NALF1: variants seen among roughly 807,000 people sequenced by gnomAD.
NALF1 encodes NALCN channel auxiliary factor 1, also known as family with sequence similarity 155 member A.
Under a neutral mutation model 48.4 loss-of-function variants are expected in NALF1, and 3 were observed. The observed-to-expected ratio is 0.06, with a 90% CI of 0.03 to 0.16. The LOEUF (loss-of-function observed/expected upper bound fraction) is 0.16, where lower values mean the gene tolerates loss of function less well. Ranked by LOEUF, NALF1 falls within the 10% of genes least tolerant of loss-of-function variation. The pLI is 1.00. For missense variants in NALF1, 526 were observed against 571.5 expected, an observed-to-expected ratio of 0.92 and a Z score of 0.81; for synonymous variants, 262 against 245.7, an observed-to-expected ratio of 1.07 and a Z score of -0.62.
chr13:107,710,031 T>C (rs540325381), intron 1 of NALF1, among the ~76,000 whole-genome samples: 95 of 152,112 alleles, frequency 6.2e-4, no homozygotes, highest in African/African-American at 2.2e-3. Flanking sequence ...GTAGGAGAAT[T>C]GCTTGAGCCT....
At chr13:107,707,243 T>C (rs570455732) in intron 1 of NALF1, among the ~76,000 whole-genome samples, 4 of 152,342 alleles carry the variant, frequency 2.6e-5, no homozygotes, top group East Asian at 1.9e-4. Flanking sequence ...TATGATATTA[T>C]GTCACTAGAC....
intron 1 of NALF1, among the ~76,000 whole-genome samples, chr13:107,452,079 C>T (rs945433705): frequency 7.4e-6 from 1 of 134,324 alleles, no homozygotes; most frequent in African/African-American, 2.7e-5. Flanking sequence ...TCTTTGACCT[C>T]ACTGAGGCTT....
intron 1 of NALF1, among the ~76,000 whole-genome samples, chr13:107,508,187 T>C (rs1366780758): frequency 4.6e-5 from 7 of 152,166 alleles, no homozygotes; most frequent in African/African-American, 1.7e-4. Context: ...TGTGCTTTTT[T>C]ATGAAACCTT....
At chr13:107,410,779 TA>T (rs1478849036) in intron 1 of NALF1, among the ~76,000 whole-genome samples, 1 of 152,140 alleles carries the variant, frequency 6.6e-6, no homozygotes, top group Non-Finnish European at 1.5e-5. Flanking sequence ...TTGGGGGCCA[TA>T]AAAGACAAGG....
At chr13:107,598,922 T>C (rs1474266592) in intron 1 of NALF1, among the ~76,000 whole-genome samples, 3 of 152,212 alleles carry the variant, frequency 2.0e-5, no homozygotes, top group Non-Finnish European at 4.4e-5. Context: ...TTTGTGTTGG[T>C]GTCTTCTTGC....
At chr13:107,278,138 A>G (rs1475965423) in intron 1 of NALF1, among the ~76,000 whole-genome samples, 8 of 152,160 alleles carry the variant, frequency 5.3e-5, no homozygotes, top group Non-Finnish European at 1.2e-4. Flanking sequence ...TCAGGTCACC[A>G]CTCAGGCACA....
intron 1 of NALF1, among the ~76,000 whole-genome samples, chr13:107,599,937 C>T (rs1181690629): frequency 1.3e-5 from 2 of 152,072 alleles, no homozygotes; most frequent in Non-Finnish European, 2.9e-5. Flanking sequence ...TAATTTTGAT[C>T]ATTTCCCCAC....
chr13:107,669,956 T>G (rs1288347992), intron 1 of NALF1, among the ~76,000 whole-genome samples: 2 of 152,220 alleles, frequency 1.3e-5, no homozygotes, highest in African/African-American at 4.8e-5. Context: ...CGAAATGATG[T>G]TTGGAATTAT....
chr13:107,264,536 G>A (rs1416717825), intron 1 of NALF1, among the ~76,000 whole-genome samples: 3 of 152,040 alleles, frequency 2.0e-5, no homozygotes, highest in Non-Finnish European at 4.4e-5. Flanking sequence ...AAAATTGTTT[G>A]GTCAGAAATA....
chr13:107,412,432 G>T (rs915253095), intron 1 of NALF1, among the ~76,000 whole-genome samples: 1 of 152,142 alleles, frequency 6.6e-6, no homozygotes, highest in African/African-American at 2.4e-5. Context: ...CTCCAGGGCA[G>T]TGATTTCATA....
intron 1 of NALF1, among the ~76,000 whole-genome samples, chr13:107,768,030 G>T (rs963175990): frequency 1.3e-5 from 2 of 152,116 alleles, no homozygotes; most frequent in Non-Finnish European, 2.9e-5. Flanking sequence ...AACAGAGCTG[G>T]GTTTAGATTG....
At chr13:107,833,183 C>A (rs561349103) in intron 1 of NALF1, among the ~76,000 whole-genome samples, 1 of 152,174 alleles carries the variant, frequency 6.6e-6, no homozygotes, top group Non-Finnish European at 1.5e-5. Context: ...TACGAAGACA[C>A]GTCTGATGAA....
At chr13:107,667,130 T>C (rs1257775267) in intron 1 of NALF1, among the ~76,000 whole-genome samples, 1 of 152,092 alleles carries the variant, frequency 6.6e-6, no homozygotes. Context: ...TTCCACCTAA[T>C]TTAATTGCTC....
chr13:107,574,364 T>C lies in NALF1; in HGVS notation c.915+291318A>G, dbSNP rs563597785. ...TGACAATGATGCCTTTATGATTAATTGTTCACTTGTTTGTTGCCTATTTCT... is the reference window on the plus strand; with the variant it reads ...TGACAATGATGCCTTTATGATTAATCGTTCACTTGTTTGTTGCCTATTTCT... On this transcript the variant is annotated intron_variant, in intron 1 of 2. Coordinates refer to ENST00000375915, the MANE Select transcript of NALF1 (RefSeq NM_001080396.3). Among the ~76,000 whole-genome samples the C allele has an allele frequency of 1.2e-3, 184 of 152,324 alleles. 3 individuals are homozygous for C. The highest frequency in any genetic ancestry group is 4.2e-3 in the African/African-American group (174 of 41,568).
At chr13:107,644,088 C>T (rs1379298181) in intron 1 of NALF1, among the ~76,000 whole-genome samples, 3 of 150,890 alleles carry the variant, frequency 2.0e-5, no homozygotes, top group African/African-American at 4.9e-5. Flanking sequence ...AGAAAAATCA[C>T]AAGTCTATAT....
In NALF1 at chr13:107,176,511, G is replaced by A. The variant is rs527884934; in HGVS notation, c.1088-5725C>T. On this transcript the variant is annotated intron_variant, in intron 2 of 2. Transcript: ENST00000375915. ...CAAAAAATTAGCCAGGCGTGGTGGCGGGCGCCTGTAGTCCCAGCTGCTCAG... is the reference window on the plus strand; with the variant it reads ...CAAAAAATTAGCCAGGCGTGGTGGCAGGCGCCTGTAGTCCCAGCTGCTCAG... Among the ~76,000 whole-genome samples the A allele has an allele frequency of 8.6e-4, 131 of 151,862 alleles. 1 individual carries two copies. The South Asian group carries it at 0.026, about 30-fold the overall frequency.
intron 1 of NALF1, among the ~76,000 whole-genome samples, chr13:107,845,510 T>G (rs1299704421): frequency 6.6e-6 from 1 of 152,196 alleles, no homozygotes; most frequent in East Asian, 1.9e-4. Flanking sequence ...AGTCACTCAG[T>G]GAGCATGAAT....
intron 1 of NALF1, among the ~76,000 whole-genome samples, chr13:107,583,729 G>A (rs938675054): frequency 6.6e-6 from 1 of 152,102 alleles, no homozygotes; most frequent in African/African-American, 2.4e-5. Flanking sequence ...TAACCTCCAA[G>A]GACTATTACA....
chr13:107,209,508 A>G (rs1879714170), intron 2 of NALF1, among the ~76,000 whole-genome samples: 1 of 152,142 alleles, frequency 6.6e-6, no homozygotes, highest in African/African-American at 2.4e-5. Context: ...CAAAAAAAAA[A>G]AAAGAAAGAA....
Sources: allele counts gnomAD v4.1 joint callset (sites outside exome capture counted in the v4.1 genomes callset), GRCh38; gene constraint gnomAD v4.1.1; transcripts MANE v1.5; gene names NCBI Gene and HGNC (gene_info 2026-07-23, HGNC 2026-07-21).